Variants in XKR4 observed in about 807,000 individuals in gnomAD.
The protein encoded by XKR4 is XK related 4, also known as XK-related protein 4.
XKR4 carries 12 observed loss-of-function variants against 53.9 expected under a neutral mutation model. The observed-to-expected ratio is 0.22, with a 90% CI of 0.14 to 0.36. The LOEUF is 0.36. XKR4 is among the 10% of genes least tolerant of loss of function. XKR4 has a pLI of 1.00. For missense variants in XKR4, 799 were observed against 859.5 expected, an observed-to-expected ratio of 0.93 and a Z score of 0.88; for synonymous variants, 354 against 362.4, an observed-to-expected ratio of 0.98 and a Z score of 0.26.
intron 1 of XKR4, among the ~76,000 whole-genome samples, chr8:55,269,471 T>G (rs1818657525): frequency 6.6e-6 from 1 of 152,218 alleles, no homozygotes; most frequent in Admixed American, 6.5e-5. Flanking sequence ...AATTTTTGGT[T>G]CCATGATAAA....
rs1805010639 is a variant in XKR4, at chr8:55,426,196, T to G, written c.1006+68319T>G. Among the ~76,000 whole-genome samples the G allele has an allele frequency of 2.0e-5, 3 of 152,250 alleles. No individual in the cohort carries two copies. The South Asian group carries it at 6.2e-4, about 31-fold the overall frequency. ...ACTTGAGTTGAAAAGAATTTAACTT[T>G]TCAAACTTAGATATGGACAATTGCA... On this transcript the variant is annotated intron_variant, in intron 2 of 2. Transcript: ENST00000327381.
intron 2 of XKR4, among the ~76,000 whole-genome samples, chr8:55,398,341 G>T (rs1298406462): frequency 6.6e-6 from 1 of 152,178 alleles, no homozygotes; most frequent in Non-Finnish European, 1.5e-5. Flanking sequence ...CCAAATGAGG[G>T]AGTCATCGGA....
intron 1 of XKR4, among the ~76,000 whole-genome samples, chr8:55,127,895 A>G (rs922579673): frequency 1.5e-4 from 23 of 152,078 alleles, no homozygotes; most frequent in African/African-American, 5.6e-4. Flanking sequence ...CCATGTTCCT[A>G]CAAAGGACAT....
intron 1 of XKR4, among the ~76,000 whole-genome samples, chr8:55,283,532 TG>T (rs1818868387): frequency 6.6e-6 from 1 of 152,218 alleles, no homozygotes; most frequent in African/African-American, 2.4e-5. Flanking sequence ...ATGTCAGCAG[TG>T]ACTTTGATTA....
At chr8:55,278,273 G>T (rs1358076965) in intron 1 of XKR4, among the ~76,000 whole-genome samples, 1 of 151,130 alleles carries the variant, frequency 6.6e-6, no homozygotes, top group Non-Finnish European at 1.5e-5. Context: ...GGAGACGGAG[G>T]TTGCAGTGAG....
chr8:55,370,766 G>A lies in XKR4; in HGVS notation c.1006+12889G>A, dbSNP rs569377994. 1.1e-4 allele frequency among the ~76,000 whole-genome samples: 17 copies of A among 152,202 alleles called. 1 individual carries two copies. In the South Asian group the frequency reaches 3.3e-3, roughly 30 times the overall value. On this transcript the variant is annotated intron_variant, in intron 2 of 2. Transcript: ENST00000327381. ...CTGCCAGGAGCTGGAAAATTCCGTC[G>A]AGATGCAAAAACAAGCGTGGCAGCA...
chr8:55,463,144 C>T (rs1160396929), intron 2 of XKR4, among the ~76,000 whole-genome samples: 5 of 152,162 alleles, frequency 3.3e-5, no homozygotes, highest in Non-Finnish European at 4.4e-5. Context: ...ATCTACAGAA[C>T]TCTCCACCCC....
At position 55,103,193 on chromosome 8, in the gene XKR4, G is replaced by A; in HGVS notation, c.705G>A (p.Gly235=). ...AAANSGSNSS[G]ATRASGKHRS... is the part of the protein sequence containing the mutation. ...CCAACAGCGGCAGCAACAGCAGCGG[G>A]GCTACCCGGGCCAGTGGCAAGCACA... Residue 235 remains glycine (G), a synonymous_variant, in exon 1 of 3, where the codon GGG becomes GGA. Transcript: ENST00000327381. The A allele has an allele frequency of 6.2e-7, 1 of 1,614,066 alleles. No individual in the cohort carries two copies. The highest frequency in any genetic ancestry group is 8.5e-7 in the Non-Finnish European group (1 of 1,180,046).
At chr8:55,394,255 C>T (rs551298670) in intron 2 of XKR4, among the ~76,000 whole-genome samples, 34 of 152,230 alleles carry the variant, frequency 2.2e-4, no homozygotes, top group Admixed American at 2.0e-3. Flanking sequence ...TGAAGATTGG[C>T]ATCTTCATTG....
intron 2 of XKR4, among the ~76,000 whole-genome samples, chr8:55,459,853 A>G (rs1360630560): frequency 6.6e-6 from 1 of 152,164 alleles, no homozygotes; most frequent in Non-Finnish European, 1.5e-5. Context: ...ACTTTAGAAA[A>G]CAGTTTGATG....
intron 1 of XKR4, among the ~76,000 whole-genome samples, chr8:55,345,112 T>G (rs949863527): frequency 4.6e-5 from 7 of 151,906 alleles, no homozygotes; most frequent in South Asian, 4.1e-4. Flanking sequence ...TGAAACCCTG[T>G]CTCTACTAAA....
At position 55,103,225 on chromosome 8, in the gene XKR4, C is replaced by T. The variant is rs1266622971; in HGVS notation, c.737C>T (p.Ala246Val). 1.9e-6 allele frequency: 3 copies of T among 1,613,996 alleles called. No individual in the cohort carries two copies. Among genetic ancestry groups the T allele is most frequent in the South Asian group, 2.2e-5 (2 of 91,066 alleles). The change falls in exon 1 of 3, where the codon GCG (alanine) becomes GTG (valine). Residue 246 changes from alanine (A) to valine (V), a missense_variant. By Grantham distance (64) the Ala-to-Val change is moderately conservative. Transcript: ENST00000327381. The part of the protein sequence containing the change: ...ATRASGKHRS[A>V]SCSFCIWLLQ... ...CGGGCCAGTGGCAAGCACAGGTCTG[C>T]GTCCTGCTCCTTCTGCATCTGGCTC...
chr8:55,375,087 C>T (rs1296668732), intron 2 of XKR4, among the ~76,000 whole-genome samples: 1 of 152,246 alleles, frequency 6.6e-6, no homozygotes, highest in African/African-American at 2.4e-5. Flanking sequence ...GAAAGGACCT[C>T]AGTTTGGAGG....
intron 1 of XKR4, among the ~76,000 whole-genome samples, chr8:55,137,772 C>T (rs1816651770): frequency 6.6e-6 from 1 of 151,886 alleles, no homozygotes; most frequent in Non-Finnish European, 1.5e-5. Flanking sequence ...AGGTCTCATT[C>T]TTCTGCCCAG....
At chr8:55,289,918 A>G (rs570072056) in intron 1 of XKR4, among the ~76,000 whole-genome samples, 1 of 150,716 alleles carries the variant, frequency 6.6e-6, no homozygotes, top group African/African-American at 2.4e-5. Flanking sequence ...CTGCCAAATT[A>G]TTGTCCAGAA....
chr8:55,397,978 T>A (rs1804546699), intron 2 of XKR4, among the ~76,000 whole-genome samples: 1 of 152,196 alleles, frequency 6.6e-6, no homozygotes, highest in Non-Finnish European at 1.5e-5. Flanking sequence ...TGTCACAGCA[T>A]TATTTGAAAT....
In XKR4 at chr8:55,531,788, A is replaced by T. The variant is rs1388059241; in HGVS notation, c.*7561A>T. On this transcript the variant is annotated 3_prime_UTR_variant, in exon 3 of 3. Transcript: ENST00000327381. ...CTGATTTTTCAAGAAAGCATTCTTC[A>T]CTAACTGTATTTCTCCAGCATACTG... 1 of 152,250 alleles carries T rather than the reference A, an allele frequency of 6.6e-6. No individual in the cohort carries two copies. Among genetic ancestry groups the T allele is most frequent in the African/African-American group, 2.4e-5 (1 of 41,468 alleles). 9.4% of individuals were successfully genotyped at this position (152,250 alleles called of 1,614,324 possible). A position where few individuals can be genotyped will look rare whatever the true frequency, so the allele number is the denominator to read the frequency against.
At chr8:55,281,452 A>T (rs913322800) in intron 1 of XKR4, among the ~76,000 whole-genome samples, 4 of 152,184 alleles carry the variant, frequency 2.6e-5, no homozygotes, top group Non-Finnish European at 5.9e-5. Context: ...AAGAGGAGGG[A>T]CTCAAGGTCA....
At chr8:55,195,884 G>C (rs995875471) in intron 1 of XKR4, among the ~76,000 whole-genome samples, 5 of 152,212 alleles carry the variant, frequency 3.3e-5, no homozygotes, top group African/African-American at 1.2e-4. Context: ...CTCAGGCCAC[G>C]CCCCAAACCT....
Sources: gnomAD v4.1 joint callset for allele counts (sites outside exome capture counted in the v4.1 genomes callset) on GRCh38, gnomAD v4.1.1 for gene constraint, MANE v1.5 for transcripts, NCBI Gene and HGNC (gene_info 2026-07-23, HGNC 2026-07-21) for gene names.